SACS: variants seen among roughly 807,000 people sequenced by gnomAD.
SACS encodes sacsin molecular chaperone.
SACS carries 197 observed loss-of-function variants against 348.0 expected under a neutral mutation model. The ratio of observed to expected loss-of-function variants is 0.57; its 90% CI spans 0.50 to 0.64. The LOEUF is 0.64. Ranked by LOEUF, SACS falls within the 30% of genes least tolerant of loss-of-function variation. The pLI is 0.00. For missense variants in SACS, 4,999 were observed against 5,360.8 expected (o/e 0.93, Z 2.11); for synonymous variants, 1,985 against 1,910.6 (o/e 1.04, Z -1.02).
chr13:23,329,827 CAT>C lies in SACS; in HGVS notation c.*307_*308del, dbSNP rs987949807. On this transcript the variant is annotated 3_prime_UTR_variant, in exon 10 of 10. Coordinates refer to ENST00000382292, the MANE Select transcript of SACS (RefSeq NM_014363.6). The stretch of plus-strand genomic sequence containing the variant: ...TAACTTCATCCTAACCAGAGACATA[CAT>C]AGACTCTTATCTAACAAACTGCTAA... 1 of 492,482 alleles carries C rather than the reference CAT, an allele frequency of 2.0e-6. No individual in the cohort carries two copies. The highest frequency in any genetic ancestry group is 3.6e-6 in the Non-Finnish European group (1 of 276,898). 30.5% of individuals were successfully genotyped at this position (492,482 alleles called of 1,614,324 possible). A position where few individuals can be genotyped will look rare whatever the true frequency, so the allele number is the denominator to read the frequency against.
chr13:23,344,547 T>C (rs1869481749), intron 9 of SACS, among the ~76,000 whole-genome samples: 1 of 152,270 alleles, frequency 6.6e-6, no homozygotes, highest in Non-Finnish European at 1.5e-5. Flanking sequence ...CTATCCATTG[T>C]ATTTAAGACA....
intron 5 of SACS, 21 bp downstream of exon 5, chr13:23,368,381 T>G (rs775606683): frequency 1.3e-6 from 2 of 1,549,452 alleles, no homozygotes; most frequent in Non-Finnish European, 1.8e-6. Flanking sequence ...AAATAACACA[T>G]GAACACGACA....
intron 1 of SACS, among the ~76,000 whole-genome samples, chr13:23,414,512 A>G (rs1310096259): frequency 6.7e-6 from 1 of 149,978 alleles, no homozygotes; most frequent in African/African-American, 2.4e-5. Flanking sequence ...CTGCACATTC[A>G]TGCTTGTCGA....
chr13:23,330,797 T>C lies in SACS; in HGVS notation c.13079A>G (p.Asn4360Ser). 1 of 1,614,100 alleles carries C rather than the reference T, an allele frequency of 6.2e-7. No individual in the cohort carries two copies. Among genetic ancestry groups the C allele is most frequent in the African/African-American group, 1.3e-5 (1 of 75,016 alleles). The change falls in exon 10 of 10, where the codon AAC becomes AGC. Residue 4360 changes from asparagine to serine, a missense_variant. By Grantham distance (46) the Asn-to-Ser change is conservative. This residue lies in a region of SACS where 254 missense variants were observed against 275.1 expected (regional missense o/e 0.92). Coordinates refer to ENST00000382292, the MANE Select transcript of SACS (RefSeq NM_014363.6). ...EVFKHLQNEI[N>S]RLEKQAFLDQ... ...TAGAAAAGCCTGTTTTTCTAATCTG[T>C]TGATTTCATTCTGCAAATGTTTAAA...
At chr13:23,381,080 G>A (rs1009370446) in intron 2 of SACS, among the ~76,000 whole-genome samples, 1 of 152,136 alleles carries the variant, frequency 6.6e-6, no homozygotes, top group African/African-American at 2.4e-5. Flanking sequence ...AAATCACGAC[G>A]CAGGACCCAA....
intron 9 of SACS, among the ~76,000 whole-genome samples, chr13:23,349,373 A>C (rs1276484283): frequency 6.6e-6 from 1 of 152,200 alleles, no homozygotes; most frequent in Non-Finnish European, 1.5e-5. Context: ...TGAGAAACAG[A>C]TTTGGGGAGA....
intron 2 of SACS, among the ~76,000 whole-genome samples, chr13:23,384,930 T>C (rs9552938): frequency 0.42 from 64,561 of 152,004 alleles, 15,007 homozygotes; most frequent in East Asian, 0.58. Context: ...CACTATACTA[T>C]AGTCTATTAA....
intron 5 of SACS, 105 bp from the exon 6 acceptor site, chr13:23,365,382 G>C: frequency 1.4e-6 from 1 of 691,524 alleles, no homozygotes; most frequent in Non-Finnish European, 2.4e-6. Context: ...CTTAAATAAA[G>C]GAAACCCACT....
chr13:23,375,009 G>GGAGTCATTCGCGCCGCCC, intron 3 of SACS, 110 bp downstream of exon 3: 3 of 1,119,758 alleles, frequency 2.7e-6, no homozygotes, highest in Non-Finnish European at 3.5e-6. Flanking sequence ...CCACGCTGCC[G>GGAGTCATTCGCGCCGCCC]GAGTCATTCG....
intron 1 of SACS, among the ~76,000 whole-genome samples, chr13:23,414,266 T>G (rs1350475055): frequency 1.3e-5 from 2 of 152,180 alleles, no homozygotes; most frequent in African/African-American, 4.8e-5. Flanking sequence ...ATCGCACCAC[T>G]GCACTCTCGC....
Position 23,331,679 on chromosome 13 carries a change from G to A in SACS, c.12197C>T (p.Pro4066Leu). The change falls in exon 10 of 10, where the codon CCC becomes CTC. Residue 4066 changes from proline (P) to leucine (L), a missense_variant. By Grantham distance (98) the Pro-to-Leu change is moderately conservative. Around this residue, in one of 6 missense-constraint regions of SACS, gnomAD observed 831 missense variants for 941.8 expected, o/e 0.88. Transcript: ENST00000382292. Reference protein sequence around the residue: ...TLRVKGFNPIPHSRSETFAFL... With the variant: ...TLRVKGFNPILHSRSETFAFL... ...AGCAAAAGTTTCACTTCTGCTGTGG[G>A]GAATAGGATTAAAACCTTTAACTCT... The A allele has an allele frequency of 4.3e-6, 7 of 1,613,868 alleles. No individual in the cohort carries two copies. The highest frequency in any genetic ancestry group is 5.9e-6 in the Non-Finnish European group (7 of 1,179,928).
intron 1 of SACS, among the ~76,000 whole-genome samples, chr13:23,413,762 G>A (rs546264558): frequency 6.6e-6 from 1 of 152,180 alleles, no homozygotes; most frequent in Non-Finnish European, 1.5e-5. Context: ...ACATATCAAT[G>A]CAAAATCTTA....
chr13:23,377,921 T>C (rs1484751942), intron 2 of SACS, among the ~76,000 whole-genome samples: 1 of 152,172 alleles, frequency 6.6e-6, no homozygotes, highest in African/African-American at 2.4e-5. Flanking sequence ...CCAGATGGAA[T>C]TTATTGGACA....
rs1359963221 is a variant in SACS, at chr13:23,331,470, G to C, written c.12406C>G (p.Leu4136Val). The C allele has an allele frequency of 3.1e-6, 5 of 1,614,014 alleles. No individual in the cohort carries two copies. The South Asian group carries it at 5.5e-5, about 18-fold the overall frequency. ...TCATATTTCACTCCTAAACTGTCAA[G>C]TTTCTCACCAATCCTGTAAATATCA... ...CNDIYRIGEKLDSLGVKYDSS... is the reference protein window; with the variant it reads ...CNDIYRIGEKVDSLGVKYDSS... Residue 4136 changes from leucine (L) to valine (V), a missense_variant, in exon 10 of 10, where the codon CTT (leucine) becomes GTT (valine). By Grantham distance (32) the Leu-to-Val change is conservative. Around this residue, in one of 6 missense-constraint regions of SACS, gnomAD observed 831 missense variants for 941.8 expected, o/e 0.88. Transcript: ENST00000382292.
intron 2 of SACS, among the ~76,000 whole-genome samples, chr13:23,379,142 C>T (rs997332605): frequency 6.6e-5 from 10 of 152,148 alleles, no homozygotes; most frequent in African/African-American, 2.2e-4. Context: ...CCAGCTCTCG[C>T]GCCTGCTGCT....
In SACS at chr13:23,329,769, T is replaced by A. The variant is rs1883348907; in HGVS notation, c.*367A>T. On this transcript the variant is annotated 3_prime_UTR_variant, in exon 10 of 10. Transcript: ENST00000382292. The stretch of plus-strand genomic sequence containing the variant: ...ATTATATGTCCAGTGTTTCATTAGC[T>A]CCTTCAAAAATACCATGTTAAAAAC... The A allele has an allele frequency of 2.1e-6, 1 of 478,974 alleles. No homozygotes were observed. Among genetic ancestry groups the A allele is most frequent in the Non-Finnish European group, 3.7e-6 (1 of 272,814 alleles). 29.7% of individuals were successfully genotyped at this position (478,974 alleles called of 1,614,324 possible).
chr13:23,386,473 G>C (rs748050982), intron 2 of SACS, among the ~76,000 whole-genome samples: 16 of 152,238 alleles, frequency 1.1e-4, no homozygotes, highest in Non-Finnish European at 1.9e-4. Context: ...CAGATTTGGA[G>C]AGAGTTAGAC....
Position 23,355,422 on chromosome 13 carries a change from C to CT in SACS, c.1189dup (p.Ser397LysfsTer9). Reference sequence around the variant, plus strand: ...ACTACTGATCCCTCGCCCACCCACACTGTTACACACCAACCAAGATGTTTT... The same window carrying CT: ...ACTACTGATCCCTCGCCCACCCACACTTGTTACACACCAACCAAGATGTTTT... On this transcript the variant is annotated frameshift_variant, in exon 8 of 10. Coordinates refer to ENST00000382292, the MANE Select transcript of SACS (RefSeq NM_014363.6). LOFTEE classifies it high-confidence loss of function. 6.2e-7 allele frequency: 1 copy of CT among 1,614,188 alleles called. No individual in the cohort carries two copies. The highest frequency in any genetic ancestry group is 8.5e-7 in the Non-Finnish European group (1 of 1,180,034).
Position 23,331,620 on chromosome 13 carries a change from G to A in SACS, c.12256C>T (p.Leu4086Phe). 1.2e-6 allele frequency: 2 copies of A among 1,613,948 alleles called. No individual in the cohort carries two copies. The highest frequency in any genetic ancestry group is 1.7e-6 in the Non-Finnish European group (2 of 1,179,910). Residue 4086 changes from leucine to phenylalanine, a missense_variant, in exon 10 of 10, where the codon CTC (leucine) becomes TTC (phenylalanine). This residue lies in a region of SACS where 831 missense variants were observed against 941.8 expected (regional missense o/e 0.88). Coordinates refer to ENST00000382292, the MANE Select transcript of SACS (RefSeq NM_014363.6). ...TTACTGTCTGAATGTTGAATGTAGA[G>A]CAAGATGACTGCATTACCAAATCGC... is the stretch of plus-strand genomic sequence containing the variant. ...LKRFGNAVIL[L>F]YIQHSDSKDI...
Sources: allele counts gnomAD v4.1 joint callset (sites outside exome capture counted in the v4.1 genomes callset), GRCh38; gene constraint gnomAD v4.1.1; regional missense constraint gnomAD v4.1.1; transcripts MANE v1.5; gene names NCBI Gene and HGNC (gene_info 2026-07-23, HGNC 2026-07-21).